Variants in TAF5L observed in about 807,000 individuals in gnomAD.
TAF5L encodes TATA-box binding protein associated factor 5 like, also known as TAF5-like RNA polymerase II p300/CBP-associated factor-associated factor 65 kDa subunit 5L.
TAF5L carries 7 observed loss-of-function variants against 51.3 expected under a neutral mutation model. The observed-to-expected ratio is 0.14, with a 90% confidence interval of 0.08 to 0.26. The LOEUF (loss-of-function observed/expected upper bound fraction) is 0.26. Ranked by LOEUF, TAF5L falls within the 10% of genes least tolerant of loss-of-function variation. The probability of loss-of-function intolerance (pLI) is 1.00; values close to 1 mark genes in which losing one functional copy is unlikely to be tolerated. For synonymous variants in TAF5L, 291 were observed against 308.1 expected, an observed-to-expected ratio of 0.94 and a Z score of 0.58; for missense variants, 575 against 758.9, an observed-to-expected ratio of 0.76 and a Z score of 2.85.
chr1:229,603,366 C>G (rs888259713), intron 3 of TAF5L, among the ~76,000 whole-genome samples: 4 of 152,140 alleles, frequency 2.6e-5, no homozygotes, highest in African/African-American at 7.2e-5. Context: ...AAAAAATAAT[C>G]AACACACAGT....
At position 229,594,891 on chromosome 1, in the gene TAF5L, G is replaced by A; in HGVS notation, c.1176C>T (p.Ile392=). Residue 392 remains isoleucine (I), a synonymous_variant, in exon 5 of 5, where the codon ATC becomes ATT. Transcript: ENST00000258281. This position sits in a 1 kb window ranked among gnomAD's most constrained non-coding sequence, Gnocchi z 7.9. ...TGGCGAAGTACAGGCTATATGGACTGATGTCCAGATCCCACACAGGATAGG... is the reference window on the plus strand; with the variant it reads ...TGGCGAAGTACAGGCTATATGGACTAATGTCCAGATCCCACACAGGATAGG... 1 of 1,614,224 alleles carries A rather than the reference G, an allele frequency of 6.2e-7. No individual in the cohort carries two copies. The highest frequency in any genetic ancestry group is 1.7e-5 in the Admixed American group (1 of 60,028).
intron 1 of TAF5L, among the ~76,000 whole-genome samples, chr1:229,624,986 G>A (rs759567552): frequency 1.3e-5 from 2 of 152,118 alleles, no homozygotes; most frequent in African/African-American, 2.4e-5. Context: ...TCACCATTCC[G>A]AGATTCCAAT....
At chr1:229,605,964 T>C (rs1558148916) in intron 3 of TAF5L, among the ~76,000 whole-genome samples, 1 of 152,266 alleles carries the variant, frequency 6.6e-6, no homozygotes, top group Non-Finnish European at 1.5e-5. Flanking sequence ...TGGTTTTTCT[T>C]TTCCCTTTGT....
In TAF5L at chr1:229,601,406, T is replaced by C. The variant is rs947591462; in HGVS notation, c.972+789A>G. ...CAAAAATACTTTGGCCCACAGCTTT[T>C]TCAGGACCACTCTAAAGAAAAGTTA... On this transcript the variant is annotated intron_variant, in intron 4 of 4. Transcript: ENST00000258281. The C allele has an allele frequency of 3.0e-6, 3 of 985,322 alleles. No homozygotes were observed. The African/African-American group carries it at 5.2e-5, about 17-fold the overall frequency. The allele number at this position is 985,322 out of a possible 1,614,324, so 61.0% of individuals were successfully genotyped here. A position where few individuals can be genotyped will look rare whatever the true frequency, so the allele number is the denominator to read the frequency against.
chr1:229,614,085 G>A, intron 2 of TAF5L: 2 of 635,216 alleles, frequency 3.1e-6, no homozygotes, highest in Non-Finnish European at 2.8e-6. Context: ...TAAAGTAACT[G>A]AGAAGTCCTG....
At chr1:229,615,629 A>G (rs1235321415) in intron 1 of TAF5L, among the ~76,000 whole-genome samples, 8 of 152,044 alleles carry the variant, frequency 5.3e-5, no homozygotes, top group Non-Finnish European at 1.0e-4. Flanking sequence ...AAAAAAAAAA[A>G]GAGGCACTGT....
chr1:229,623,954 GA>G (rs1459369862), intron 1 of TAF5L, among the ~76,000 whole-genome samples: 1 of 152,206 alleles, frequency 6.6e-6, no homozygotes, highest in Non-Finnish European at 1.5e-5. Context: ...CTTGCTGAGA[GA>G]ATGATCAGAA....
chr1:229,612,290 A>G (rs986428391), intron 2 of TAF5L, among the ~76,000 whole-genome samples: 5 of 152,250 alleles, frequency 3.3e-5, no homozygotes, highest in African/African-American at 1.2e-4. Flanking sequence ...ATTGAAACTA[A>G]GACAACTTAG....
Position 229,594,070 on chromosome 1 carries a change from C to A in TAF5L, c.*227G>T. On this transcript the variant is annotated 3_prime_UTR_variant, in exon 5 of 5. Coordinates refer to ENST00000258281, the Ensembl canonical transcript of TAF5L. This position sits in a 1 kb window ranked among gnomAD's most constrained non-coding sequence, Gnocchi z 7.9. ...GAGGACTTGTGAGTGACCTCCAGGG[C>A]ACTCTAATTCTTGATCACTCATCAT... 1 of 524,236 alleles carries A rather than the reference C, an allele frequency of 1.9e-6. No homozygotes were observed. The highest frequency in any genetic ancestry group is 2.3e-5 in the South Asian group (1 of 43,462). The allele number at this position is 524,236 out of a possible 1,614,324, so 32.5% of individuals were successfully genotyped here.
chr1:229,626,097 T>G (rs1157144482), upstream of TAF5L: 2 of 151,048 alleles, frequency 1.3e-5, no homozygotes, highest in Non-Finnish European at 3.0e-5. Flanking sequence ...CGCTCGGGCC[T>G]CCAACGCGCA....
At chr1:229,600,776 G>A (rs753901009) in intron 4 of TAF5L, 16 of 985,274 alleles carry the variant, frequency 1.6e-5, no homozygotes, top group Non-Finnish European at 1.9e-5. Context: ...CTAGTTACCA[G>A]TAGTGGCCAG....
rs1168426906 is a variant in TAF5L at position 229,625,724 on chromosome 1, G to A, written c.-4+161C>T. Among the ~76,000 whole-genome samples the A allele has an allele frequency of 1.4e-4, 17 of 120,104 alleles. No homozygotes were observed. Among genetic ancestry groups the A allele is most frequent in the African/African-American group, 2.2e-4 (7 of 32,504 alleles). 78.8% of individuals were successfully genotyped at this position (120,104 alleles called of 152,430 possible). A position where few individuals can be genotyped will look rare whatever the true frequency, so the allele number is the denominator to read the frequency against. ...CCGTCGCGCCCGCGCAGAGCCGCCCGCCGCCCCCCAGCCCCGCCTCCCGCG... is the reference window on the plus strand; with the variant it reads ...CCGTCGCGCCCGCGCAGAGCCGCCCACCGCCCCCCAGCCCCGCCTCCCGCG... On this transcript the variant is annotated intron_variant, in intron 1 of 4. Coordinates refer to ENST00000258281, the Ensembl canonical transcript of TAF5L. This position sits in a 1 kb window ranked among gnomAD's most constrained non-coding sequence, Gnocchi z 4.0.
chr1:229,614,634 C>T, intron 1 of TAF5L, 149 bp from the exon 2 acceptor site: 1 of 903,650 alleles, frequency 1.1e-6, no homozygotes, highest in East Asian at 2.6e-5. Flanking sequence ...AATCTAAGTT[C>T]CCTAATACCA....
rs373412143 is a variant in TAF5L, at chr1:229,625,237, G to C, written c.-4+648C>G. Among the ~76,000 whole-genome samples the C allele has an allele frequency of 6.6e-6, 1 of 152,146 alleles. No homozygotes were observed. Among genetic ancestry groups the C allele is most frequent in the Non-Finnish European group, 1.5e-5 (1 of 68,034 alleles). On this transcript the variant is annotated intron_variant, in intron 1 of 4. Coordinates refer to ENST00000258281, the Ensembl canonical transcript of TAF5L. The surrounding 1 kb of genome is among the most constrained non-coding windows in gnomAD (Gnocchi z 4.0). ...TTATCGAATACATTTTCAAAAGCCT[G>C]GCAGCTTCGCGAGCTGGAGGTGGTG...
At chr1:229,604,969 G>A (rs941469652) in intron 3 of TAF5L, among the ~76,000 whole-genome samples, 24 of 151,896 alleles carry the variant, frequency 1.6e-4, no homozygotes, top group African/African-American at 4.1e-4. Context: ...ATGGAGTCTC[G>A]CTCCGTCACC....
At chr1:229,622,749 G>A (rs1197100842) in intron 1 of TAF5L, among the ~76,000 whole-genome samples, 5 of 151,770 alleles carry the variant, frequency 3.3e-5, no homozygotes, top group Admixed American at 2.6e-4. Flanking sequence ...GGGGCTACAG[G>A]CATGCCCACC....
Position 229,594,145 on chromosome 1 carries a change from C to T in TAF5L, c.*152G>A. On this transcript the variant is annotated 3_prime_UTR_variant, in exon 5 of 5. Transcript: ENST00000258281. This position sits in a 1 kb window ranked among gnomAD's most constrained non-coding sequence, Gnocchi z 7.9. ...AACCTTGGCCTTCGACACTGGGGGG[C>T]TGAGTGAAGGGGGACCTGCCCGGAA... 1 of 860,320 alleles carries T rather than the reference C, an allele frequency of 1.2e-6. No homozygotes were observed. 53.3% of individuals were successfully genotyped at this position (860,320 alleles called of 1,614,324 possible). A position where few individuals can be genotyped will look rare whatever the true frequency, so the allele number is the denominator to read the frequency against.
chr1:229,615,806 G>A (rs577347223), intron 1 of TAF5L, among the ~76,000 whole-genome samples: 1 of 152,150 alleles, frequency 6.6e-6, no homozygotes, highest in African/African-American at 2.4e-5. Flanking sequence ...TTCCCCTCCA[G>A]GACCAAAATA....
intron 2 of TAF5L, chr1:229,614,043 A>T (rs1664883360): frequency 1.7e-6 from 1 of 604,854 alleles, no homozygotes; most frequent in Admixed American, 2.9e-5. Flanking sequence ...TGTTTACAGA[A>T]GGAAAAAGTT....
Sources: allele counts gnomAD v4.1 joint callset (sites outside exome capture counted in the v4.1 genomes callset), GRCh38; gene constraint gnomAD v4.1.1; non-coding constraint Gnocchi (gnomAD v3.1); transcripts MANE v1.5; gene names NCBI Gene and HGNC (gene_info 2026-07-23, HGNC 2026-07-21).